The following CFAP47 variants were observed in gnomAD, a reference collection of about 807,000 sequenced individuals.
CFAP47 encodes cilia and flagella associated protein 47.
Under a neutral mutation model 148.1 loss-of-function variants are expected in CFAP47, and 29 were observed. The ratio of observed to expected loss-of-function variants is 0.20; its 90% CI spans 0.15 to 0.27. The LOEUF is 0.27. Among genes scored for constraint, CFAP47 ranks in the 10% least tolerant of loss-of-function variants. The pLI, the probability that CFAP47 is intolerant of heterozygous loss-of-function variation, is 1.00. For synonymous variants in CFAP47, 664 were observed against 577.3 expected (o/e 1.15, Z -2.15); for missense variants, 1,872 against 1,697.5 (o/e 1.10, Z -1.81).
At chrX:36,302,116 G>A (rs781953684) in intron 53 of CFAP47, among the ~76,000 whole-genome samples, 1 of 108,885 alleles carries the variant, frequency 9.2e-6, no homozygotes, top group Admixed American at 1.0e-4. Flanking sequence ...TTGGGAAATT[G>A]GTAATATACG....
intron 3 of CFAP47, among the ~76,000 whole-genome samples, chrX:35,944,153 C>T (rs867783521): frequency 5.4e-5 from 6 of 111,179 alleles, no homozygotes; most frequent in Middle Eastern, 4.6e-3. Flanking sequence ...TCTAAAATAT[C>T]CTGGAATCAA....
intron 33 of CFAP47, among the ~76,000 whole-genome samples, chrX:36,135,632 G>A (rs975832403): frequency 3.6e-5 from 4 of 112,014 alleles, no homozygotes. Flanking sequence ...ACACATCAGT[G>A]TTTGCCAGGT....
chrX:36,289,326 T>C (rs781942580), intron 51 of CFAP47, among the ~76,000 whole-genome samples: 27 of 111,358 alleles, frequency 2.4e-4, no homozygotes, highest in African/African-American at 8.8e-4. Flanking sequence ...TTGTATACTT[T>C]ATTTTTCTAT....
At chrX:36,094,817 G>A (rs1938246043) in intron 30 of CFAP47, among the ~76,000 whole-genome samples, 1 of 110,920 alleles carries the variant, frequency 9.0e-6, no homozygotes, top group African/African-American at 3.3e-5. Context: ...CATATCATTT[G>A]CAAACAAGGA....
In CFAP47 at chrX:35,966,736, G is replaced by A; in HGVS notation, c.1582G>A (p.Val528Met). 1 of 1,134,887 alleles carries A rather than the reference G, an allele frequency of 8.8e-7. No homozygotes were observed. The highest frequency in any genetic ancestry group is 1.2e-6 in the Non-Finnish European group (1 of 852,651). The allele number at this position is 1,134,887 out of a possible 1,213,427, so 93.5% of individuals were successfully genotyped here. A position where few individuals can be genotyped will look rare whatever the true frequency, so the allele number is the denominator to read the frequency against. ...CTGTAAAGCTTCCACCAAGAAAGTT[G>A]TGATGAAATTTGATCCTGGTATGCT... ...SICKASTKKV[V>M]MKFDPGILPS... Residue 528 changes from valine (V) to methionine (M), a missense_variant, in exon 9 of 64, where the codon GTG (valine) becomes ATG (methionine). By Grantham distance (21) the Val-to-Met change is conservative (BLOSUM62 1). Coordinates refer to ENST00000378653, the MANE Select transcript of CFAP47 (RefSeq NM_001304548.2).
chrX:36,177,942 C>G (rs1188391795), intron 39 of CFAP47, among the ~76,000 whole-genome samples: 1 of 111,664 alleles, frequency 9.0e-6, no homozygotes, highest in Non-Finnish European at 1.9e-5. Context: ...AGGTGCCCAT[C>G]AATGGTGGAT....
chrX:36,027,907 T>C (rs1937238958), intron 22 of CFAP47, among the ~76,000 whole-genome samples: 1 of 111,618 alleles, frequency 9.0e-6, no homozygotes, highest in East Asian at 2.8e-4. Flanking sequence ...CGCTGATAAT[T>C]AGTGATGTTG....
chrX:35,919,940 G>A lies in CFAP47; in HGVS notation c.141G>A (p.Val47=). 1 of 1,211,412 alleles carries A rather than the reference G, an allele frequency of 8.3e-7. No homozygotes were observed. The highest frequency in any genetic ancestry group is 1.1e-6 in the Non-Finnish European group (1 of 895,369). The stretch of plus-strand genomic sequence containing the variant: ...AGCTGCGGGTGATCCCGGCTGAGGT[G>A]AAGTTCCTGGACACGATGGCCGGGA... ...DMQLRVIPAE[V]KFLDTMAGRV... The change falls in exon 1 of 64, where the codon GTG becomes GTA. Residue 47 remains valine (V), a synonymous_variant. Coordinates refer to ENST00000378653, the MANE Select transcript of CFAP47 (RefSeq NM_001304548.2).
intron 4 of CFAP47, among the ~76,000 whole-genome samples, chrX:35,949,485 G>A (rs915834654): frequency 1.8e-5 from 2 of 111,623 alleles, no homozygotes; most frequent in Admixed American, 1.9e-4. Flanking sequence ...TGTGCAAATT[G>A]GAGATAGGTT....
chrX:36,105,109 G>C (rs754830594), intron 33 of CFAP47, among the ~76,000 whole-genome samples: 5 of 111,739 alleles, frequency 4.5e-5, no homozygotes, highest in Non-Finnish European at 7.5e-5. Flanking sequence ...AAATCACTAA[G>C]AGCAATAATG....
At chrX:36,003,775 G>A (rs1310985463) in intron 21 of CFAP47, among the ~76,000 whole-genome samples, 1 of 108,196 alleles carries the variant, frequency 9.2e-6, no homozygotes, top group Admixed American at 1.0e-4. Flanking sequence ...CCTGGCCAGA[G>A]CAATCAGGCA....
intron 49 of CFAP47, among the ~76,000 whole-genome samples, chrX:36,255,381 G>A (rs1940738240): frequency 8.9e-6 from 1 of 112,414 alleles, no homozygotes; most frequent in Non-Finnish European, 1.9e-5. Context: ...GAGCTTTGGC[G>A]AAGGCCCACT....
At chrX:36,053,186 G>A (rs1053423486) in intron 26 of CFAP47, among the ~76,000 whole-genome samples, 1 of 111,460 alleles carries the variant, frequency 9.0e-6, no homozygotes, top group Non-Finnish European at 1.9e-5. Context: ...TGTGAGTTGC[G>A]TACCTCTGAG....
At position 36,236,826 on chromosome X, in the gene CFAP47, G is replaced by C. The variant is rs782069331; in HGVS notation, c.7299G>C (p.Leu2433Phe). 4.1e-6 allele frequency: 2 copies of C among 488,851 alleles called. No individual in the cohort carries two copies. The highest frequency in any genetic ancestry group is 6.0e-5 in the South Asian group (2 of 33,590). 40.3% of individuals were successfully genotyped at this position (488,851 alleles called of 1,213,427 possible). ...VGNVTQKHIT[L>F]PHFTNTALTF... ...ATGTGACACAAAAGCATATAACATT[G>C]CCTCATTTCACAAATACTGCCCTAA... is the stretch of plus-strand genomic sequence containing the variant. The change falls in exon 48 of 64, where the codon TTG becomes TTC. Residue 2433 changes from leucine to phenylalanine, a missense_variant. Physicochemically the swap from Leu to Phe is conservative, Grantham distance 22. Coordinates refer to ENST00000378653, the MANE Select transcript of CFAP47 (RefSeq NM_001304548.2).
chrX:36,371,739 T>TACACACACGTGTGTATATACACAC (rs200743716), intron 62 of CFAP47, among the ~76,000 whole-genome samples: 2 of 58,732 alleles, frequency 3.4e-5, no homozygotes, highest in African/African-American at 7.1e-5. Flanking sequence ...TGTGTGTATA[T>TACACACACGTGTGTATATACACAC]ATGTGTGTAT....
intron 57 of CFAP47, among the ~76,000 whole-genome samples, chrX:36,326,290 C>G (rs1941516851): frequency 9.8e-6 from 1 of 101,758 alleles, no homozygotes; most frequent in Admixed American, 1.1e-4. Context: ...TTGGAATCAG[C>G]TAGCCAATTT....
intron 36 of CFAP47, among the ~76,000 whole-genome samples, chrX:36,145,647 A>G (rs1939222568): frequency 9.0e-6 from 1 of 111,426 alleles, no homozygotes; most frequent in African/African-American, 3.3e-5. Context: ...TACTGCTTTG[A>G]TAAGATTCAT....
At chrX:36,293,986 T>A (rs1414216413) in intron 51 of CFAP47, among the ~76,000 whole-genome samples, 3 of 111,001 alleles carry the variant, frequency 2.7e-5, no homozygotes, top group Non-Finnish European at 5.7e-5. Flanking sequence ...TGGGCCAAAG[T>A]GAATTTGACA....
intron 40 of CFAP47, among the ~76,000 whole-genome samples, chrX:36,181,745 C>T (rs1282731708): frequency 8.9e-6 from 1 of 111,862 alleles, no homozygotes. Flanking sequence ...CAGAGCCATA[C>T]ATTTAAAATA....
Sources: allele counts gnomAD v4.1 joint callset (sites outside exome capture counted in the v4.1 genomes callset), GRCh38; gene constraint gnomAD v4.1.1; transcripts MANE v1.5; gene names NCBI Gene and HGNC (gene_info 2026-07-23, HGNC 2026-07-21).